The following SPATA7 variants were observed in gnomAD, a reference collection of about 807,000 sequenced individuals.
SPATA7 encodes the protein spermatogenesis-associated protein 7.
SPATA7 carries 43 observed loss-of-function variants against 51.8 expected under a neutral mutation model. The ratio of observed to expected loss-of-function variants is 0.83; its 90% confidence interval spans 0.65 to 1.07. The LOEUF (loss-of-function observed/expected upper bound fraction) is 1.07. Ranked by LOEUF, SPATA7 falls within the 50% of genes least tolerant of loss-of-function variation. The pLI, the probability that SPATA7 is intolerant of heterozygous loss-of-function variation, is 0.00. For synonymous variants in SPATA7, 230 were observed against 252.8 expected, an observed-to-expected ratio of 0.91 and a Z score of 0.86; for missense variants, 683 against 701.3, an observed-to-expected ratio of 0.97 and a Z score of 0.30.
intron 4 of SPATA7, among the ~76,000 whole-genome samples, chr14:88,403,178 G>A (rs1223362016): frequency 2.6e-5 from 4 of 152,130 alleles, no homozygotes; most frequent in Non-Finnish European, 5.9e-5. Flanking sequence ...AACAAGTGTT[G>A]GCAAGGATGT....
At chr14:88,445,116 A>G (rs1415344239) in intron 3 of SPATA7, among the ~76,000 whole-genome samples, 2 of 152,032 alleles carry the variant, frequency 1.3e-5, no homozygotes, top group African/African-American at 4.8e-5. Context: ...CCTACCCATG[A>G]GCATGGAATG....
intron 4 of SPATA7, chr14:88,406,807 G>A (rs1382514351): frequency 6.6e-6 from 1 of 152,070 alleles, no homozygotes; most frequent in East Asian, 1.9e-4. Context: ...CCCTCCTGGT[G>A]TCCATGTGTT....
downstream of SPATA7, among the ~76,000 whole-genome samples, chr14:88,456,054 C>G (rs1302820836): frequency 1.3e-5 from 2 of 152,054 alleles, no homozygotes; most frequent in Non-Finnish European, 2.9e-5. Context: ...AGGACATGAA[C>G]TCATCATTTT....
At chr14:88,395,389 A>AT (rs1415929836) in intron 3 of SPATA7, among the ~76,000 whole-genome samples, 2 of 152,046 alleles carry the variant, frequency 1.3e-5, no homozygotes, top group East Asian at 3.8e-4. Context: ...AAAGAAAAAT[A>AT]TTTTGTGACA....
At chr14:88,399,614 A>G (rs564444612) in intron 4 of SPATA7, among the ~76,000 whole-genome samples, 2 of 152,314 alleles carry the variant, frequency 1.3e-5, no homozygotes, top group South Asian at 2.1e-4. Context: ...TCATATTAGT[A>G]ACTTTTTTGT....
intron 5 of SPATA7, among the ~76,000 whole-genome samples, chr14:88,425,982 A>T (rs1283321241): frequency 6.6e-6 from 1 of 152,124 alleles, no homozygotes; most frequent in Non-Finnish European, 1.5e-5. Context: ...CCAAATATAG[A>T]TATGTTATTC....
Position 88,416,798 on chromosome 14 carries a change from C to A in SPATA7, c.326C>A (p.Ala109Asp). 1 of 1,606,622 alleles carries A rather than the reference C, an allele frequency of 6.2e-7. No homozygotes were observed. Among genetic ancestry groups the A allele is most frequent in the East Asian group, 2.2e-5 (1 of 44,720 alleles). The change falls in exon 5 of 12, where the codon GCC becomes GAC. Residue 109 changes from alanine to aspartate, a missense_variant. Transcript: ENST00000393545. ...AAATTAACTAAAACTGCAATGCGAG[C>A]CAATTATAAAAATAATTCCAAGTCA... ...EFKLTKTAMR[A>D]NYKNNSKSLF...
intron 4 of SPATA7, among the ~76,000 whole-genome samples, chr14:88,404,532 CA>C (rs1383701121): frequency 6.6e-6 from 1 of 152,084 alleles, no homozygotes; most frequent in Non-Finnish European, 1.5e-5. Flanking sequence ...GCCTGGCCAA[CA>C]TAATGAAACC....
At chr14:88,430,249 C>T (rs1470472164) in intron 8 of SPATA7, among the ~76,000 whole-genome samples, 1 of 152,038 alleles carries the variant, frequency 6.6e-6, no homozygotes, top group African/African-American at 2.4e-5. Flanking sequence ...TGGCTTCTCC[C>T]TCAGGCCTTT....
At chr14:88,437,516 A>G in intron 10 of SPATA7, 27 bp from the exon 11 acceptor site, 2 of 1,545,160 alleles carry the variant, frequency 1.3e-6, no homozygotes, top group Non-Finnish European at 1.8e-6. Context: ...ATTTTGAGAC[A>G]TTAACATTTT....
intron 10 of SPATA7, among the ~76,000 whole-genome samples, chr14:88,436,153 C>G (rs919220315): frequency 2.0e-5 from 3 of 152,140 alleles, no homozygotes; most frequent in African/African-American, 7.2e-5. Flanking sequence ...TTGCATTCCT[C>G]TGATGATCAG....
In SPATA7 at chr14:88,469,532, G is replaced by A; in HGVS notation, c.255-315G>A. On this transcript the variant is annotated intron_variant, in intron 4 of 4. Transcript: ENST00000556406. The surrounding 1 kb of genome is among the most constrained non-coding windows in gnomAD (Gnocchi z 4.3). ...CCCTTGAGGTCTTCTGGACAGCCAT[G>A]TTCAGGCCAGTCTGTGTATTGGAGG... is the stretch of plus-strand genomic sequence containing the variant. 6.2e-7 allele frequency: 1 copy of A among 1,614,160 alleles called. No homozygotes were observed. The highest frequency in any genetic ancestry group is 8.5e-7 in the Non-Finnish European group (1 of 1,179,998).
chr14:88,445,436 G>A (rs1283958877), intron 3 of SPATA7, among the ~76,000 whole-genome samples: 1 of 152,156 alleles, frequency 6.6e-6, no homozygotes, highest in Non-Finnish European at 1.5e-5. Flanking sequence ...TGCAAACAGG[G>A]ACAGTTTGAC....
downstream of SPATA7, among the ~76,000 whole-genome samples, chr14:88,460,169 A>G (rs542891947): frequency 9.9e-4 from 150 of 152,244 alleles, 2 homozygotes; most frequent in African/African-American, 3.2e-3. Flanking sequence ...ACTTTGGTGA[A>G]TCTGACAATT....
rs367578557 is a variant in SPATA7, at chr14:88,426,220, G to A, written c.373-12G>A. On this transcript the variant is annotated splice_polypyrimidine_tract_variant and intron_variant, in intron 5 of 11. Transcript: ENST00000393545. ...TAATGCAGTTGATGACTGTCATATC[G>A]AATGTTCTTAGCCCTCAGGCGAACC... 32 of 1,596,068 alleles carry A rather than the reference G, an allele frequency of 2.0e-5. No individual in the cohort carries two copies. The highest frequency in any genetic ancestry group is 4.0e-5 in the African/African-American group (3 of 74,460).
downstream of SPATA7, among the ~76,000 whole-genome samples, chr14:88,440,561 A>C (rs1315435692): frequency 6.6e-6 from 1 of 152,160 alleles, no homozygotes; most frequent in South Asian, 2.1e-4. Flanking sequence ...TTGTTACAGC[A>C]TCAAGCAACA....
downstream of SPATA7, among the ~76,000 whole-genome samples, chr14:88,442,940 ATT>A (rs201523703): frequency 2.8e-3 from 342 of 124,230 alleles, 2 homozygotes; most frequent in Middle Eastern, 0.012. Context: ...TTTGTTAGTA[ATT>A]TTTTTTTTTT....
intron 4 of SPATA7, among the ~76,000 whole-genome samples, chr14:88,400,223 A>G (rs1307820779): frequency 1.3e-5 from 2 of 152,260 alleles, no homozygotes; most frequent in Admixed American, 6.5e-5. Context: ...ACATTCTTGA[A>G]CAAGTATTGA....
intron 4 of SPATA7, among the ~76,000 whole-genome samples, chr14:88,398,039 A>G (rs1401857027): frequency 1.3e-5 from 2 of 151,774 alleles, no homozygotes; most frequent in Admixed American, 6.6e-5. Flanking sequence ...CAGAGATCGC[A>G]TCACTGCACT....
Sources: gnomAD v4.1 joint callset for allele counts (sites outside exome capture counted in the v4.1 genomes callset) on GRCh38, gnomAD v4.1.1 for gene constraint, Gnocchi (gnomAD v3.1) non-coding constraint, MANE v1.5 for transcripts, NCBI Gene and HGNC (gene_info 2026-07-23, HGNC 2026-07-21) for gene names.